AHCY: variants seen among roughly 807,000 people sequenced by gnomAD.
The protein encoded by AHCY is adenosylhomocysteinase.
A neutral mutation model predicts 45.4 loss-of-function variants in AHCY; 24 were observed. The ratio of observed to expected loss-of-function variants is 0.53; its 90% confidence interval spans 0.38 to 0.74. The LOEUF (loss-of-function observed/expected upper bound fraction) is 0.74, where lower values mean the gene tolerates loss of function less well. Among genes scored for constraint, AHCY ranks in the 30% least tolerant of loss-of-function variants. The probability of loss-of-function intolerance (pLI) is 0.00; values close to 1 mark genes in which losing one functional copy is unlikely to be tolerated. For missense variants in AHCY, 449 were observed against 594.1 expected, an observed-to-expected ratio of 0.76 and a Z score of 2.54; for synonymous variants, 245 against 235.1, an observed-to-expected ratio of 1.04 and a Z score of -0.39.
At chr20:34,257,064 C>CTCTTTTTTTTTTTTTTTTTTT in the AHCY span, among the ~76,000 whole-genome samples, 2 of 125,602 alleles carry the variant, frequency 1.6e-5, no homozygotes, top group African/African-American at 6.8e-5. Flanking sequence ...CTCTCTCTTT[C>CTCTTTTTTTTTTTTTTTTTTT]TTTCTCTTTT....
the AHCY span, chr20:34,269,491 G>T: frequency 2.6e-6 from 1 of 385,412 alleles, no homozygotes; most frequent in Non-Finnish European, 4.6e-6. Flanking sequence ...CCGACCTGGG[G>T]GTTAGGAACG....
the AHCY span, among the ~76,000 whole-genome samples, chr20:34,269,944 C>CT: frequency 2.8e-3 from 146 of 51,774 alleles, no homozygotes; most frequent in African/African-American, 0.016. Context: ...GAAACTCTGT[C>CT]TTAAAAAAAA....
At chr20:34,274,317 A>C in the AHCY span, among the ~76,000 whole-genome samples, 1 of 152,202 alleles carries the variant, frequency 6.6e-6, no homozygotes, top group Non-Finnish European at 1.5e-5. Flanking sequence ...AAAGATGTTA[A>C]GCAATGTGTC....
rs1023155344 is a variant in AHCY at position 34,286,773 on chromosome 20, G to A, written c.973-1139C>T. Among the ~76,000 whole-genome samples the A allele has an allele frequency of 7.6e-5, 11 of 144,784 alleles. No individual in the cohort carries two copies. In the East Asian group the frequency reaches 1.9e-3, roughly 25 times the overall value. The allele number at this position is 144,784 out of a possible 152,430, so 95.0% of individuals were successfully genotyped here. A position where few individuals can be genotyped will look rare whatever the true frequency, so the allele number is the denominator to read the frequency against. On this transcript the variant is annotated intron_variant, in intron 8 of 9. Coordinates refer to ENST00000217426, the MANE Select transcript of AHCY (RefSeq NM_000687.4). Reference sequence around the variant, plus strand: ...CGCTTGAACCTGGGAAGCGGAGGTTGTGGTGAGCCAAGATCGCGCCATTGC... The same window carrying A: ...CGCTTGAACCTGGGAAGCGGAGGTTATGGTGAGCCAAGATCGCGCCATTGC...
the AHCY span, among the ~76,000 whole-genome samples, chr20:34,268,479 T>C: frequency 6.6e-6 from 1 of 151,942 alleles, no homozygotes; most frequent in African/African-American, 2.4e-5. Flanking sequence ...ACCCAGCACT[T>C]TGGGAGGCCG....
At chr20:34,306,170 G>C (rs188051133), upstream of AHCY, among the ~76,000 whole-genome samples, 1 of 151,284 alleles carries the variant, frequency 6.6e-6, no homozygotes, top group Non-Finnish European at 1.5e-5. Flanking sequence ...ACTGTATATC[G>C]TGCTTTGAGA....
chr20:34,285,586 C>T lies in AHCY; in HGVS notation c.1021G>A (p.Glu341Lys), dbSNP rs765418686. The change falls in exon 9 of 10, where the codon GAG becomes AAG. Residue 341 changes from glutamate to lysine, a missense_variant. Transcript: ENST00000217426. ...CAACCCAGGTTGACCAGCCGACCCT[C>T]GGCCAGCAGGATGATGCGGCGCCCA... ...KNGRRIILLA[E>K]GRLVNLGCAM... The T allele has an allele frequency of 5.6e-6, 9 of 1,613,920 alleles. No individual in the cohort carries two copies. In the East Asian group the frequency reaches 6.7e-5, roughly 12 times the overall value.
chr20:34,273,283 CAGG>C, the AHCY span, among the ~76,000 whole-genome samples: 2,925 of 151,820 alleles, frequency 0.019, 95 homozygotes, highest in African/African-American at 0.067. Flanking sequence ...CAAATCTCTC[CAGG>C]AGACTAACCC....
chr20:34,292,484 C>T lies in AHCY; in HGVS notation c.319G>A (p.Asp107Asn). The T allele has an allele frequency of 6.2e-7, 1 of 1,614,140 alleles. No individual in the cohort carries two copies. The highest frequency in any genetic ancestry group is 8.5e-7 in the Non-Finnish European group (1 of 1,180,044). ...TCAATGCACCACAGGTACTCCTCGT[C>T]CGTTTCGCCCTTCCAGGCATACACT... ...IPVYAWKGET[D>N]EEYLWCIEQT... Residue 107 changes from aspartate to asparagine, a missense_variant, in exon 4 of 10, where the codon GAC becomes AAC. By Grantham distance (23) the Asp-to-Asn change is conservative (BLOSUM62 1). Transcript: ENST00000217426.
chr20:34,234,675 G>A, the AHCY span, among the ~76,000 whole-genome samples: 4 of 151,686 alleles, frequency 2.6e-5, no homozygotes, highest in Non-Finnish European at 5.9e-5. Context: ...GGTGGCAGGC[G>A]CCTATAATCC....
At chr20:34,307,376 GT>G (rs1568820780), upstream of AHCY, among the ~76,000 whole-genome samples, 1 of 151,496 alleles carries the variant, frequency 6.6e-6, no homozygotes, top group African/African-American at 2.4e-5. Context: ...TTTGTTTTTT[GT>G]TTTTTGTTTT....
chr20:34,246,486 T>A, the AHCY span: 1 of 1,386,548 alleles, frequency 7.2e-7, no homozygotes, highest in Non-Finnish European at 1.0e-6. Context: ...AACTTGGCAC[T>A]GTTCCTTGGG....
At chr20:34,275,131 CTTTTTTTT>C in the AHCY span, among the ~76,000 whole-genome samples, 10 of 99,452 alleles carry the variant, frequency 1.0e-4, no homozygotes, top group Non-Finnish European at 1.8e-4. Context: ...TCTCTATTTT[CTTTTTTTT>C]TTTTTTTTTT....
intron 4 of AHCY, among the ~76,000 whole-genome samples, chr20:34,292,085 C>A (rs1363851313): frequency 1.3e-5 from 2 of 152,236 alleles, no homozygotes; most frequent in African/African-American, 4.8e-5. Context: ...CTGCACTCTG[C>A]GTACCTGCTT....
intron 1 of AHCY, among the ~76,000 whole-genome samples, chr20:34,310,257 C>CA (rs1174838541): frequency 6.6e-6 from 1 of 152,096 alleles, no homozygotes; most frequent in Non-Finnish European, 1.5e-5. Flanking sequence ...GATGGGGTTT[C>CA]ACTATGTTGG....
chr20:34,264,153 T>C, the AHCY span, among the ~76,000 whole-genome samples: 2 of 152,248 alleles, frequency 1.3e-5, 1 homozygote, highest in South Asian at 4.1e-4. Flanking sequence ...TATAAAAAAT[T>C]AAAATTTCCC....
At chr20:34,291,295 G>A (rs1391223742) in intron 5 of AHCY, 124 bp downstream of exon 5, 7 of 918,244 alleles carry the variant, frequency 7.6e-6, no homozygotes, top group African/African-American at 3.2e-5. Context: ...GTCTATAACC[G>A]CTTTTGCCCC....
At chr20:34,232,812 T>C in the AHCY span, among the ~76,000 whole-genome samples, 1 of 152,224 alleles carries the variant, frequency 6.6e-6, no homozygotes, top group South Asian at 2.1e-4. Context: ...AGTTTCTCTG[T>C]TTTAATAGCA....
upstream of AHCY, among the ~76,000 whole-genome samples, chr20:34,305,431 G>T (rs1008725626): frequency 2.0e-5 from 3 of 152,102 alleles, no homozygotes; most frequent in African/African-American, 7.2e-5. Flanking sequence ...CATGAGGGCC[G>T]ATGTCAAGCA....
Sources: allele counts gnomAD v4.1 joint callset (sites outside exome capture counted in the v4.1 genomes callset), GRCh38; gene constraint gnomAD v4.1.1; transcripts MANE v1.5; gene names NCBI Gene and HGNC (gene_info 2026-07-23, HGNC 2026-07-21).